The following TMTC2 variants were observed in gnomAD, a reference collection of about 807,000 sequenced individuals.
TMTC2 encodes transmembrane O-mannosyltransferase targeting cadherins 2, also known as protein O-mannosyl-transferase TMTC2.
Under a neutral mutation model 82.4 loss-of-function variants are expected in TMTC2, and 43 were observed. That is an observed-to-expected ratio of 0.52 (90% CI 0.41 to 0.67). The LOEUF (loss-of-function observed/expected upper bound fraction) is 0.67. TMTC2 is among the 30% of genes least tolerant of loss of function. The pLI is 0.00. For synonymous variants in TMTC2, 408 were observed against 381.9 expected (o/e 1.07, Z -0.80); for missense variants, 919 against 1,012.4 (o/e 0.91, Z 1.25).
chr12:82,958,661 A>C (rs1877751634), intron 4 of TMTC2, among the ~76,000 whole-genome samples: 1 of 152,132 alleles, frequency 6.6e-6, no homozygotes, highest in Admixed American at 6.6e-5. Context: ...TCAAGAAACT[A>C]GACATTGAGG....
At chr12:83,109,863 T>G (rs2137544529) in intron 11 of TMTC2, among the ~76,000 whole-genome samples, 1 of 152,314 alleles carries the variant, frequency 6.6e-6, no homozygotes, top group South Asian at 2.1e-4. Flanking sequence ...ACACTTTACT[T>G]TTTCTTTATT....
intron 1 of TMTC2, among the ~76,000 whole-genome samples, chr12:82,839,647 GAAA>G (rs1870230774): frequency 6.6e-6 from 1 of 152,106 alleles, no homozygotes; most frequent in African/African-American, 2.4e-5. Flanking sequence ...ATTTGTGCAA[GAAA>G]AAATAGGCAG....
At chr12:82,697,770 C>T (rs75885571) in intron 1 of TMTC2, among the ~76,000 whole-genome samples, 5 of 152,138 alleles carry the variant, frequency 3.3e-5, no homozygotes, top group African/African-American at 9.7e-5. Flanking sequence ...TAAACTGATA[C>T]GCAGTTGCCT....
intron 1 of TMTC2, among the ~76,000 whole-genome samples, chr12:82,781,184 A>G (rs1235508939): frequency 2.0e-5 from 3 of 152,114 alleles, no homozygotes; most frequent in Non-Finnish European, 2.9e-5. Context: ...ACACGAGAGT[A>G]TCGTTGATGA....
chr12:82,916,061 A>T (rs1874981126), intron 3 of TMTC2, among the ~76,000 whole-genome samples: 1 of 152,194 alleles, frequency 6.6e-6, no homozygotes, highest in South Asian at 2.1e-4. Context: ...AAAAATAATA[A>T]TTAAAAAAGG....
chr12:82,914,817 A>ATTTTTTTTT (rs71068958), intron 3 of TMTC2, among the ~76,000 whole-genome samples: 2 of 86,406 alleles, frequency 2.3e-5, no homozygotes, highest in Non-Finnish European at 4.5e-5. Context: ...CAACTCACTT[A>ATTTTTTTTT]TTTTTTTTTT....
intron 8 of TMTC2, among the ~76,000 whole-genome samples, chr12:82,999,167 C>G (rs1357125077): frequency 1.3e-5 from 2 of 152,140 alleles, no homozygotes; most frequent in Admixed American, 1.3e-4. Flanking sequence ...TCCTTAGGCT[C>G]CTCTTGCTGT....
chr12:82,701,506 C>G (rs997539081), intron 1 of TMTC2, among the ~76,000 whole-genome samples: 1 of 150,480 alleles, frequency 6.6e-6, no homozygotes, highest in Admixed American at 6.7e-5. Context: ...AATCCCAGCA[C>G]TTTGGGAGGC....
chr12:83,103,380 C>T (rs1884288970), intron 11 of TMTC2, among the ~76,000 whole-genome samples: 1 of 152,108 alleles, frequency 6.6e-6, no homozygotes, highest in Non-Finnish European at 1.5e-5. Flanking sequence ...GTTTAATTGG[C>T]TCATAGTTCT....
chr12:83,113,913 A>G (rs1884674244), intron 11 of TMTC2, among the ~76,000 whole-genome samples: 1 of 152,174 alleles, frequency 6.6e-6, no homozygotes, highest in Non-Finnish European at 1.5e-5. Context: ...TGCTGTGTGC[A>G]TGAAGGCTGT....
intron 1 of TMTC2, among the ~76,000 whole-genome samples, chr12:82,743,259 G>A (rs1280204925): frequency 1.3e-5 from 2 of 152,024 alleles, no homozygotes; most frequent in African/African-American, 4.8e-5. Flanking sequence ...TGGCTAACAT[G>A]GTGAAACCCC....
chr12:83,094,126 A>T (rs1156453344), intron 11 of TMTC2, among the ~76,000 whole-genome samples: 1 of 152,240 alleles, frequency 6.6e-6, no homozygotes, highest in East Asian at 1.9e-4. Flanking sequence ...AGGGAAAAAC[A>T]TTTCTTTACA....
intron 8 of TMTC2, among the ~76,000 whole-genome samples, chr12:83,006,622 A>T (rs1176822604): frequency 6.6e-6 from 1 of 152,342 alleles, no homozygotes; most frequent in East Asian, 1.9e-4. Flanking sequence ...AAGGATTATA[A>T]ATCATGCTGC....
chr12:82,773,860 T>C (rs1053683553), intron 1 of TMTC2, among the ~76,000 whole-genome samples: 2 of 152,156 alleles, frequency 1.3e-5, no homozygotes, highest in Non-Finnish European at 2.9e-5. Context: ...TTCTTTTTTC[T>C]TTTAATTCTG....
intron 1 of TMTC2, among the ~76,000 whole-genome samples, chr12:82,836,863 T>G (rs1452043049): frequency 6.6e-6 from 1 of 152,188 alleles, no homozygotes; most frequent in Non-Finnish European, 1.5e-5. Context: ...CCAGCCTTCA[T>G]TCCTTCATCA....
chr12:82,926,980 G>C (rs1311222438), intron 3 of TMTC2, among the ~76,000 whole-genome samples: 1 of 152,202 alleles, frequency 6.6e-6, no homozygotes, highest in South Asian at 2.1e-4. Flanking sequence ...TGCACAAGGA[G>C]ATTAATGCTG....
chr12:82,834,099 G>A (rs1346042396), intron 1 of TMTC2, among the ~76,000 whole-genome samples: 2 of 152,176 alleles, frequency 1.3e-5, no homozygotes, highest in African/African-American at 4.8e-5. Flanking sequence ...TAATTAGCAT[G>A]TCAGATTGCC....
At chr12:82,999,372 G>T (rs770724951) in intron 8 of TMTC2, among the ~76,000 whole-genome samples, 28 of 152,150 alleles carry the variant, frequency 1.8e-4, no homozygotes, top group Non-Finnish European at 3.4e-4. Context: ...ATCTATTAGC[G>T]ATGTGACTTA....
intron 10 of TMTC2, among the ~76,000 whole-genome samples, chr12:83,057,205 G>A (rs1047021455): frequency 6.6e-6 from 1 of 151,804 alleles, no homozygotes; most frequent in African/African-American, 2.4e-5. Flanking sequence ...GTTTAACTCT[G>A]CCCTTAGCAG....
Sources: allele counts gnomAD v4.1 joint callset (sites outside exome capture counted in the v4.1 genomes callset), GRCh38; gene constraint gnomAD v4.1.1; transcripts MANE v1.5; gene names NCBI Gene and HGNC (gene_info 2026-07-23, HGNC 2026-07-21).